Variants in TOX observed in about 807,000 individuals in gnomAD.
The protein encoded by TOX is thymocyte selection-associated high mobility group box protein TOX.
In TOX, 11 loss-of-function variants were observed where a neutral mutation model predicts 53.7. The ratio of observed to expected loss-of-function variants is 0.20; its 90% CI spans 0.13 to 0.34. TOX has a LOEUF of 0.34. Ranked by LOEUF, TOX falls within the 10% of genes least tolerant of loss-of-function variation. The pLI is 1.00. For missense variants in TOX, 570 were observed against 664.6 expected (o/e 0.86, Z 1.56); for synonymous variants, 225 against 245.3 (o/e 0.92, Z 0.77).
At chr8:59,036,980 C>A (rs548791996) in intron 1 of TOX, among the ~76,000 whole-genome samples, 2 of 152,202 alleles carry the variant, frequency 1.3e-5, no homozygotes, top group Non-Finnish European at 2.9e-5. Context: ...GGATTAATAT[C>A]TGGCAATTCC....
At chr8:58,878,816 T>C (rs1361123283) in intron 3 of TOX, among the ~76,000 whole-genome samples, 2 of 152,052 alleles carry the variant, frequency 1.3e-5, no homozygotes, top group African/African-American at 4.8e-5. Flanking sequence ...ATCCCAGCAC[T>C]TTGGGAGGCT....
At chr8:58,915,104 A>G (rs1811987026) in intron 3 of TOX, among the ~76,000 whole-genome samples, 1 of 150,560 alleles carries the variant, frequency 6.6e-6, no homozygotes, top group Admixed American at 6.6e-5. Context: ...TCAAACTGCA[A>G]GGCGGCAACG....
chr8:58,943,852 G>A (rs1204286016), intron 2 of TOX, among the ~76,000 whole-genome samples: 1 of 152,162 alleles, frequency 6.6e-6, no homozygotes, highest in African/African-American at 2.4e-5. Flanking sequence ...AACCAATGCT[G>A]AAAGTCAGCA....
At chr8:59,104,826 C>A (rs991917357) in intron 1 of TOX, among the ~76,000 whole-genome samples, 1 of 152,190 alleles carries the variant, frequency 6.6e-6, no homozygotes, top group Non-Finnish European at 1.5e-5. Context: ...CTCCAGGAAG[C>A]AACAGGGATT....
intron 3 of TOX, among the ~76,000 whole-genome samples, chr8:58,934,739 C>A (rs1812316074): frequency 6.6e-6 from 1 of 152,188 alleles, no homozygotes; most frequent in South Asian, 2.1e-4. Flanking sequence ...CCTTCCCATG[C>A]ATTTTAACTT....
chr8:58,988,153 T>C (rs7813241), intron 1 of TOX, among the ~76,000 whole-genome samples: 53,103 of 152,042 alleles, frequency 0.35, 11,126 homozygotes, highest in African/African-American at 0.58. Flanking sequence ...AAGGTCACAA[T>C]TTCACCATTG....
At chr8:59,090,462 T>G (rs901567679) in intron 1 of TOX, among the ~76,000 whole-genome samples, 1 of 152,140 alleles carries the variant, frequency 6.6e-6, no homozygotes, top group African/African-American at 2.4e-5. Flanking sequence ...CTAATTAAAT[T>G]TAGAAGGAAA....
intron 2 of TOX, among the ~76,000 whole-genome samples, chr8:58,958,381 C>T (rs1013840576): frequency 5.3e-5 from 8 of 152,190 alleles, no homozygotes; most frequent in African/African-American, 1.9e-4. Context: ...GAGGGAGCAG[C>T]TGCTTTATAA....
Position 59,119,005 on chromosome 8 carries a change from C to CAACT in TOX, c.-22_-19dup. 6.5e-7 allele frequency: 1 copy of CAACT among 1,549,324 alleles called. No individual in the cohort carries two copies. The highest frequency in any genetic ancestry group is 2.4e-5 in the East Asian group (1 of 42,490). ...ACGTCCATTTCACTCTCACATCAAG[C>CAACT]AACTCCTTTTCTTTTTCCTTTTTTA... On this transcript the variant is annotated 5_prime_UTR_variant, in exon 1 of 9. Transcript: ENST00000361421.
intron 1 of TOX, among the ~76,000 whole-genome samples, chr8:59,087,370 CAT>C (rs1468773463): frequency 7.2e-5 from 11 of 152,130 alleles, no homozygotes; most frequent in Non-Finnish European, 1.3e-4. Flanking sequence ...TTTTGTTTCA[CAT>C]GTTTGGAGAA....
intron 3 of TOX, among the ~76,000 whole-genome samples, chr8:58,896,875 A>C (rs550110856): frequency 1.3e-5 from 2 of 152,242 alleles, no homozygotes; most frequent in East Asian, 3.9e-4. Flanking sequence ...AGAAATGCTG[A>C]GATTTATTAC....
intron 6 of TOX, among the ~76,000 whole-genome samples, chr8:58,816,231 A>G (rs1428199889): frequency 6.6e-6 from 1 of 152,238 alleles, no homozygotes. Flanking sequence ...ATATGGGAGA[A>G]CAGAGTTCTA....
chr8:58,921,658 C>T (rs925485789), intron 3 of TOX, among the ~76,000 whole-genome samples: 1 of 152,218 alleles, frequency 6.6e-6, no homozygotes, highest in Non-Finnish European at 1.5e-5. Context: ...TCAAACTCTT[C>T]TCTGCCCTTC....
intron 2 of TOX, among the ~76,000 whole-genome samples, chr8:58,950,663 C>T (rs908633443): frequency 6.6e-6 from 1 of 152,118 alleles, no homozygotes; most frequent in Non-Finnish European, 1.5e-5. Flanking sequence ...GTTCAGTTCC[C>T]CAGAAGTGGG....
At chr8:58,867,336 C>T (rs560355252) in intron 3 of TOX, among the ~76,000 whole-genome samples, 260 of 152,234 alleles carry the variant, frequency 1.7e-3, no homozygotes, top group Admixed American at 3.9e-3. Context: ...TGTTCCTGGC[C>T]TTCAGCCCCA....
chr8:59,056,323 T>C (rs1236118829), intron 1 of TOX, among the ~76,000 whole-genome samples: 1 of 148,050 alleles, frequency 6.8e-6, no homozygotes, highest in African/African-American at 2.5e-5. Flanking sequence ...TCCCCGCTAC[T>C]AGGGAGGCTA....
intron 3 of TOX, among the ~76,000 whole-genome samples, chr8:58,863,223 T>C (rs1391737369): frequency 6.6e-6 from 1 of 152,196 alleles, no homozygotes; most frequent in African/African-American, 2.4e-5. Flanking sequence ...CAAGTGACTA[T>C]ACTCAGCACA....
chr8:59,101,922 C>G (rs921494562), intron 1 of TOX, among the ~76,000 whole-genome samples: 26 of 152,148 alleles, frequency 1.7e-4, no homozygotes, highest in Non-Finnish European at 7.3e-5. Context: ...TGGGTGTCCC[C>G]TAACAATAAT....
At chr8:58,886,008 C>A (rs1811460955) in intron 3 of TOX, among the ~76,000 whole-genome samples, 1 of 152,124 alleles carries the variant, frequency 6.6e-6, no homozygotes, top group Admixed American at 6.6e-5. Context: ...GTTGAAGTTT[C>A]AGTGTTTTCA....
Sources: gnomAD v4.1 joint callset for allele counts (sites outside exome capture counted in the v4.1 genomes callset) on GRCh38, gnomAD v4.1.1 for gene constraint, MANE v1.5 for transcripts, NCBI Gene and HGNC (gene_info 2026-07-23, HGNC 2026-07-21) for gene names.